Variants in XKR6 observed in about 807,000 individuals in gnomAD.
XKR6 encodes the protein XK related 6.
Under a neutral mutation model 56.7 loss-of-function variants are expected in XKR6, and 22 were observed. The ratio of observed to expected loss-of-function variants is 0.39; its 90% CI spans 0.28 to 0.55. XKR6 has a LOEUF of 0.55. Among genes scored for constraint, XKR6 ranks in the 20% least tolerant of loss-of-function variants. XKR6 has a pLI of 0.66. For synonymous variants in XKR6, 524 were observed against 387.8 expected, an observed-to-expected ratio of 1.35 and a Z score of -4.13; for missense variants, 852 against 889.0, an observed-to-expected ratio of 0.96 and a Z score of 0.53.
rs187999101 is a variant in XKR6, at chr8:10,933,016, G to A, written c.765-8186C>T. 9.5e-3 allele frequency among the ~76,000 whole-genome samples: 1,446 copies of A among 151,906 alleles called. 62 individuals are homozygous for A. Among genetic ancestry groups the A allele is most frequent in the Admixed American group, 0.072 (1,098 of 15,280 alleles). On this transcript the variant is annotated intron_variant, in intron 1 of 2. Coordinates refer to ENST00000416569, the MANE Select transcript of XKR6 (RefSeq NM_173683.4). ...GAATCCCCACACTGACTTCCACAAC[G>A]GTTGAACTAGTTTACAGTCCCACCA...
chr8:11,167,564 G>C (rs1265328006), intron 1 of XKR6, among the ~76,000 whole-genome samples: 2 of 152,148 alleles, frequency 1.3e-5, no homozygotes, highest in Non-Finnish European at 2.9e-5. Flanking sequence ...AAGAAAAGAC[G>C]TGAAGAAAGT....
intron 1 of XKR6, among the ~76,000 whole-genome samples, chr8:10,967,729 G>T (rs1229695395): frequency 6.6e-6 from 1 of 152,228 alleles, no homozygotes; most frequent in Non-Finnish European, 1.5e-5. Context: ...CAGCAAGAAA[G>T]CAGGGCAAAG....
At chr8:11,087,349 C>T (rs1563127247) in intron 1 of XKR6, among the ~76,000 whole-genome samples, 1 of 152,158 alleles carries the variant, frequency 6.6e-6, no homozygotes, top group East Asian at 1.9e-4. Context: ...TCCTTTCCAC[C>T]CCTCGGGGAA....
intron 1 of XKR6, among the ~76,000 whole-genome samples, chr8:11,074,966 C>A (rs1459964849): frequency 6.6e-6 from 1 of 152,184 alleles, no homozygotes; most frequent in African/African-American, 2.4e-5. Context: ...CCCCATGGGG[C>A]AGCAGACCAG....
At chr8:11,095,762 AC>A (rs1798247694) in intron 1 of XKR6, among the ~76,000 whole-genome samples, 1 of 152,218 alleles carries the variant, frequency 6.6e-6, no homozygotes, top group East Asian at 1.9e-4. Flanking sequence ...CTGGGATATG[AC>A]CCAGGCACTG....
rs1276631407 is a variant in XKR6 at position 10,924,732 on chromosome 8, T to C, written c.863A>G (p.Asn288Ser). The C allele has an allele frequency of 3.1e-6, 5 of 1,613,834 alleles. No homozygotes were observed. The South Asian group carries it at 4.4e-5, about 14-fold the overall frequency. The change falls in exon 2 of 3, where the codon AAC becomes AGC. Residue 288 changes from asparagine to serine, a missense_variant. Around this residue, in one of 4 missense-constraint regions of XKR6, gnomAD observed 199 missense variants for 280.4 expected, o/e 0.71. Coordinates refer to ENST00000416569, the MANE Select transcript of XKR6 (RefSeq NM_173683.4). ...WAMMYEYADVNMLRLLETFLE... is the reference protein window; with the variant it reads ...WAMMYEYADVSMLRLLETFLE... ...GAAGGTCTCCAGGAGGCGCAGCATG[T>C]TGACGTCTGCATATTCATACATCAT...
At chr8:11,142,039 G>A (rs1234792093) in intron 1 of XKR6, among the ~76,000 whole-genome samples, 127 of 149,260 alleles carry the variant, frequency 8.5e-4, no homozygotes, top group Non-Finnish European at 1.3e-3. Flanking sequence ...AAAAAAAAAG[G>A]AAAAAAGGAA....
intron 1 of XKR6, among the ~76,000 whole-genome samples, chr8:10,952,437 G>C (rs1421602037): frequency 2.6e-5 from 4 of 152,158 alleles, no homozygotes; most frequent in African/African-American, 9.7e-5. Context: ...TTATTTCCTT[G>C]CATTATTATA....
At chr8:10,963,004 C>A (rs975458277) in intron 1 of XKR6, among the ~76,000 whole-genome samples, 3 of 152,224 alleles carry the variant, frequency 2.0e-5, no homozygotes, top group African/African-American at 7.2e-5. Context: ...TCTTTTGAGC[C>A]TGTCCTTCGA....
chr8:10,913,503 A>G (rs11250087), intron 2 of XKR6, among the ~76,000 whole-genome samples: 40,439 of 151,904 alleles, frequency 0.27, 6,137 homozygotes, highest in African/African-American at 0.4. Flanking sequence ...GATGGAGGCC[A>G]TATGCACCCC....
rs1427189359 is a variant in XKR6 at position 10,922,080 on chromosome 8, T to C, written c.961+2554A>G. Among the ~76,000 whole-genome samples, 3 of 152,320 alleles carry C rather than the reference T, an allele frequency of 2.0e-5. No individual in the cohort carries two copies. The East Asian group carries it at 5.8e-4, about 29-fold the overall frequency. ...CCCTTCCAGGGGATGCAGCCCTCAT[T>C]AGGCAGCTGAACCTGCAGGCACCTT... On this transcript the variant is annotated intron_variant, in intron 2 of 2. Transcript: ENST00000416569.
intron 1 of XKR6, chr8:11,125,696 A>G (rs1174161800): frequency 6.6e-6 from 1 of 152,188 alleles, no homozygotes; most frequent in African/African-American, 2.4e-5. Flanking sequence ...AAAACTAAAA[A>G]CAACTGTGTT....
chr8:11,035,213 G>T lies in XKR6; in HGVS notation c.765-110383C>A, dbSNP rs779751965. Reference sequence around the variant, plus strand: ...CAAGCTATCTGGTGGCTGCTCGGATGATGATGATGACGATGACAACGATGA... The same window carrying T: ...CAAGCTATCTGGTGGCTGCTCGGATTATGATGATGACGATGACAACGATGA... On this transcript the variant is annotated intron_variant, in intron 1 of 2. Coordinates refer to ENST00000416569, the MANE Select transcript of XKR6 (RefSeq NM_173683.4). The T allele has an allele frequency of 1.5e-5, 8 of 534,658 alleles. No individual in the cohort carries two copies. The East Asian group carries it at 4.4e-4, about 29-fold the overall frequency. 33.1% of individuals were successfully genotyped at this position (534,658 alleles called of 1,614,324 possible).
intron 1 of XKR6, among the ~76,000 whole-genome samples, chr8:11,126,243 A>C (rs989691820): frequency 6.6e-6 from 1 of 151,608 alleles, no homozygotes; most frequent in Non-Finnish European, 1.5e-5. Context: ...TAATTTTTGT[A>C]TTTTTAGTAA....
chr8:11,167,176 T>G (rs774232954), intron 1 of XKR6, among the ~76,000 whole-genome samples: 1 of 152,174 alleles, frequency 6.6e-6, no homozygotes, highest in Non-Finnish European at 1.5e-5. Flanking sequence ...AAGCACCAAC[T>G]GTCAGAACTA....
rs528552057 is a variant in XKR6, at chr8:11,040,816, A to T, written c.765-115986T>A. ...ACACATGCATTTGGGGGACATTAAC[A>T]CTCTGGCTGTAGCTAATGGCCTCCT... On this transcript the variant is annotated intron_variant, in intron 1 of 2. Transcript: ENST00000416569. 9.9e-5 allele frequency among the ~76,000 whole-genome samples: 15 copies of T among 152,048 alleles called. No homozygotes were observed. In the South Asian group the frequency reaches 1.9e-3, roughly 19 times the overall value.
intron 1 of XKR6, among the ~76,000 whole-genome samples, chr8:10,995,515 C>CACACACACATAT (rs1388699057): frequency 2.2e-5 from 3 of 134,134 alleles, no homozygotes; most frequent in Admixed American, 7.5e-5. Context: ...CACACATATA[C>CACACACACATAT]ACACACACAC....
chr8:10,949,037 A>C (rs79072258), intron 1 of XKR6, among the ~76,000 whole-genome samples: 2,287 of 152,246 alleles, frequency 0.015, 53 homozygotes, highest in African/African-American at 0.051. Flanking sequence ...ATCTCCACTG[A>C]GTGAGCCTCA....
At chr8:11,167,890 T>TAAAAAAAAAAAAAAAAAAAAAC (rs1802164127) in intron 1 of XKR6, among the ~76,000 whole-genome samples, 1 of 108,380 alleles carries the variant, frequency 9.2e-6, no homozygotes. Context: ...CCCCATCTCT[T>TAAAAAAAAAAAAAAAAAAAAAC]AAAAAAAAAA....
Sources: allele counts gnomAD v4.1 joint callset (sites outside exome capture counted in the v4.1 genomes callset), GRCh38; gene constraint gnomAD v4.1.1; regional missense constraint gnomAD v4.1.1; transcripts MANE v1.5; gene names NCBI Gene and HGNC (gene_info 2026-07-23, HGNC 2026-07-21).